MBNL2: variants seen among roughly 807,000 people sequenced by gnomAD.
The protein encoded by MBNL2 is muscleblind like splicing regulator 2.
Under a neutral mutation model 41.9 loss-of-function variants are expected in MBNL2, and 17 were observed. That is an observed-to-expected ratio of 0.41 (90% CI 0.28 to 0.61). The LOEUF (loss-of-function observed/expected upper bound fraction) is 0.61. Ranked by LOEUF, MBNL2 falls within the 20% of genes least tolerant of loss-of-function variation. The pLI is 0.35. For missense variants in MBNL2, 336 were observed against 505.6 expected (o/e 0.66, Z 3.22); for synonymous variants, 195 against 182.9 (o/e 1.07, Z -0.53).
At chr13:97,207,530 G>T in the MBNL2 span, among the ~76,000 whole-genome samples, 1 of 152,130 alleles carries the variant, frequency 6.6e-6, no homozygotes, top group East Asian at 1.9e-4. Flanking sequence ...GATCTTGTGA[G>T]ACTTATTCAC....
intron 5 of MBNL2, among the ~76,000 whole-genome samples, chr13:97,349,802 A>G (rs1433686464): frequency 6.6e-6 from 1 of 152,166 alleles, no homozygotes; most frequent in Non-Finnish European, 1.5e-5. Context: ...CTATGGCCAC[A>G]CCATTCTCTA....
the MBNL2 span, among the ~76,000 whole-genome samples, chr13:97,189,730 T>G: frequency 6.6e-6 from 1 of 152,236 alleles, no homozygotes; most frequent in Non-Finnish European, 1.5e-5. Context: ...TGTTTTGGTC[T>G]TCTTGGCTCA....
At chr13:97,205,535 A>C in the MBNL2 span, among the ~76,000 whole-genome samples, 2 of 152,236 alleles carry the variant, frequency 1.3e-5, no homozygotes, top group African/African-American at 4.8e-5. Context: ...TGGAATCTTT[A>C]AGTCCTTCAT....
intron 2 of MBNL2, among the ~76,000 whole-genome samples, chr13:97,277,577 T>G (rs1363612440): frequency 6.6e-6 from 1 of 152,218 alleles, no homozygotes; most frequent in African/African-American, 2.4e-5. Context: ...TCAAAATTTA[T>G]AATTTTGTAA....
At chr13:97,265,500 T>C (rs919584906) in intron 1 of MBNL2, among the ~76,000 whole-genome samples, 11 of 152,210 alleles carry the variant, frequency 7.2e-5, no homozygotes, top group African/African-American at 2.4e-5. Context: ...GAAGACAGTC[T>C]ATCAAGGGCG....
chr13:97,191,007 T>C, the MBNL2 span, among the ~76,000 whole-genome samples: 3 of 146,422 alleles, frequency 2.0e-5, no homozygotes, highest in African/African-American at 5.0e-5. Flanking sequence ...CAAATGAAAC[T>C]AAAAAAAAAA....
At chr13:97,145,041 T>G in the MBNL2 span, among the ~76,000 whole-genome samples, 3 of 152,204 alleles carry the variant, frequency 2.0e-5, no homozygotes, top group African/African-American at 4.8e-5. Flanking sequence ...CAATAAAATA[T>G]GTGGGAAGTG....
chr13:97,385,666 T>C (rs535305676), intron 8 of MBNL2, among the ~76,000 whole-genome samples: 88 of 152,314 alleles, frequency 5.8e-4, no homozygotes, highest in African/African-American at 2.0e-3. Context: ...TAAACACTTC[T>C]AGAAGTCACC....
intron 8 of MBNL2, among the ~76,000 whole-genome samples, chr13:97,371,611 A>G (rs1388146967): frequency 6.6e-6 from 1 of 152,046 alleles, no homozygotes; most frequent in Non-Finnish European, 1.5e-5. Flanking sequence ...TTCAAGCAGA[A>G]TAGTGATGGA....
chr13:97,357,710 G>A (rs759068327), intron 7 of MBNL2, 75 bp downstream of exon 7: 3 of 1,432,424 alleles, frequency 2.1e-6, no homozygotes, highest in Admixed American at 3.3e-5. Flanking sequence ...AAGCTGTTTG[G>A]TGGCATCTAG....
intron 8 of MBNL2, among the ~76,000 whole-genome samples, chr13:97,378,302 C>T (rs2065142718): frequency 6.6e-6 from 1 of 151,868 alleles, no homozygotes; most frequent in African/African-American, 2.4e-5. Flanking sequence ...ATTTTTAATT[C>T]CCACTCCAGA....
chr13:97,324,409 C>T (rs2059749832), intron 2 of MBNL2, among the ~76,000 whole-genome samples: 1 of 152,146 alleles, frequency 6.6e-6, no homozygotes, highest in Non-Finnish European at 1.5e-5. Flanking sequence ...AAAAGGCCTG[C>T]CCTCCCTAGC....
At chr13:97,203,151 T>TAG in the MBNL2 span, among the ~76,000 whole-genome samples, 109 of 152,266 alleles carry the variant, frequency 7.2e-4, no homozygotes, top group African/African-American at 2.3e-3. Flanking sequence ...ATTAAGGGTC[T>TAG]AGCACTTTAT....
the MBNL2 span, among the ~76,000 whole-genome samples, chr13:97,166,826 AGAT>A: frequency 4.8e-4 from 72 of 151,572 alleles, no homozygotes; most frequent in Admixed American, 1.5e-3. Flanking sequence ...ATAGATAGAT[AGAT>A]AGATAGATAG....
intron 2 of MBNL2, among the ~76,000 whole-genome samples, chr13:97,312,544 A>C (rs1261555130): frequency 6.6e-6 from 1 of 152,224 alleles, no homozygotes; most frequent in Non-Finnish European, 1.5e-5. Context: ...CATGAAGAAT[A>C]GGAAATATCT....
intron 1 of MBNL2, among the ~76,000 whole-genome samples, chr13:97,272,568 A>G (rs2051275507): frequency 6.6e-6 from 1 of 151,822 alleles, no homozygotes; most frequent in African/African-American, 2.4e-5. Flanking sequence ...AGGGTTTTTT[A>G]TGGTTTGGGT....
chr13:97,264,323 G>A (rs750101880), intron 1 of MBNL2, among the ~76,000 whole-genome samples: 27 of 152,180 alleles, frequency 1.8e-4, no homozygotes, highest in South Asian at 6.2e-4. Flanking sequence ...CACTGTGCCC[G>A]GCAGAGAAGA....
At chr13:97,144,451 CAG>C in the MBNL2 span, among the ~76,000 whole-genome samples, 2 of 94,812 alleles carry the variant, frequency 2.1e-5, no homozygotes, top group South Asian at 3.2e-4. Context: ...TTTTTTGAGA[CAG>C]AGTTTCGTGC....
At chr13:97,323,946 T>A (rs1412816980) in intron 2 of MBNL2, among the ~76,000 whole-genome samples, 3 of 152,192 alleles carry the variant, frequency 2.0e-5, no homozygotes, top group Non-Finnish European at 4.4e-5. Flanking sequence ...ATTCTTTAAG[T>A]TATTTAAAAA....
Sources: gnomAD v4.1 joint callset for allele counts (sites outside exome capture counted in the v4.1 genomes callset) on GRCh38, gnomAD v4.1.1 for gene constraint, MANE v1.5 for transcripts, NCBI Gene and HGNC (gene_info 2026-07-23, HGNC 2026-07-21) for gene names.